STRAP: variants seen among roughly 807,000 people sequenced by gnomAD.
STRAP encodes the protein serine/threonine kinase receptor associated protein.
In STRAP, 16 loss-of-function variants were observed where a neutral mutation model predicts 47.0. The ratio of observed to expected loss-of-function variants is 0.34; its 90% CI spans 0.23 to 0.52. The LOEUF (loss-of-function observed/expected upper bound fraction) is 0.52. STRAP is among the 20% of genes least tolerant of loss of function. The pLI is 0.96. For missense variants in STRAP, 293 were observed against 420.0 expected (o/e 0.70, Z 2.64); for synonymous variants, 130 against 142.7 (o/e 0.91, Z 0.63).
chr12:15,889,687 CAAAG>C (rs1947999387), intron 2 of STRAP, among the ~76,000 whole-genome samples: 1 of 151,996 alleles, frequency 6.6e-6, no homozygotes, highest in African/African-American at 2.4e-5. Flanking sequence ...TTTCCACTGT[CAAAG>C]AAAATTAGAT....
chr12:15,895,399 A>G lies in STRAP; in HGVS notation c.541A>G (p.Asn181Asp), dbSNP rs1320966580. The change falls in exon 6 of 10, where the codon AAT becomes GAT. Residue 181 changes from asparagine to aspartate, a missense_variant. Around this residue, in one of 5 missense-constraint regions of STRAP, gnomAD observed 152 missense variants for 183.0 expected, o/e 0.83. Transcript: ENST00000419869. ...HATMTEVKSL[N>D]FNMSVSSMEY... Reference sequence around the variant, plus strand: ...TACTATGACAGAAGTGAAATCTCTAAATTTTAATATGTCTGTTAGTAGTAT... The same window carrying G: ...TACTATGACAGAAGTGAAATCTCTAGATTTTAATATGTCTGTTAGTAGTAT... 6.3e-7 allele frequency: 1 copy of G among 1,596,512 alleles called. No individual in the cohort carries two copies. Among genetic ancestry groups the G allele is most frequent in the African/African-American group, 1.4e-5 (1 of 73,800 alleles).
chr12:15,895,567 A>G, intron 6 of STRAP, 71 bp downstream of exon 6: 1 of 1,527,414 alleles, frequency 6.5e-7, no homozygotes, highest in Non-Finnish European at 8.8e-7. Context: ...AAAAATGGGA[A>G]GGTATTTACT....
At chr12:15,899,534 A>C (rs1948086326) in intron 7 of STRAP, among the ~76,000 whole-genome samples, 1 of 152,218 alleles carries the variant, frequency 6.6e-6, no homozygotes, top group Admixed American at 6.5e-5. Flanking sequence ...CCTGAGAAAT[A>C]GGCAGTGAGT....
intron 2 of STRAP, among the ~76,000 whole-genome samples, chr12:15,886,251 G>A (rs1379581896): frequency 2.0e-5 from 3 of 151,118 alleles, no homozygotes; most frequent in East Asian, 2.0e-4. Context: ...GTGCAGTGGC[G>A]TGATCATAGC....
chr12:15,892,553 G>A (rs1948025399), intron 4 of STRAP, among the ~76,000 whole-genome samples: 1 of 152,128 alleles, frequency 6.6e-6, no homozygotes, highest in African/African-American at 2.4e-5. Flanking sequence ...AGTAATAAGA[G>A]AGTCAGAACC....
intron 8 of STRAP, 118 bp from the exon 9 acceptor site, chr12:15,900,829 A>T: frequency 1.7e-5 from 11 of 666,486 alleles, no homozygotes; most frequent in East Asian, 3.5e-5. Context: ...AGTTGTTTTT[A>T]TTATATTTTG....
At chr12:15,899,833 ATT>A (rs3830193) in intron 7 of STRAP, 69 bp from the exon 8 acceptor site, 1,468 of 1,161,096 alleles carry the variant, frequency 1.3e-3, no homozygotes, top group African/African-American at 5.6e-3. Context: ...CACAGACAGT[ATT>A]TTTTTTTTTT....
chr12:15,893,582 G>A (rs1458952718), intron 4 of STRAP, among the ~76,000 whole-genome samples: 3 of 143,730 alleles, frequency 2.1e-5, no homozygotes, highest in Non-Finnish European at 4.5e-5. Context: ...ATACAATAAT[G>A]CTTTTATATT....
chr12:15,899,970 C>T lies in STRAP; in HGVS notation c.842C>T (p.Ala281Val). Reference sequence around the variant, plus strand: ...TTTAGTCCTGATGGAGAACTCTATGCCAGTGGTTCAGAAGATGGAACATTG... The same window carrying T: ...TTTAGTCCTGATGGAGAACTCTATGTCAGTGGTTCAGAAGATGGAACATTG... ...VRFSPDGELYASGSEDGTLRL... is the reference protein window; with the variant it reads ...VRFSPDGELYVSGSEDGTLRL... The change falls in exon 8 of 10, where the codon GCC becomes GTC. Residue 281 changes from alanine to valine, a missense_variant. Physicochemically the swap from Ala to Val is moderately conservative, Grantham distance 64. This residue lies in a region of STRAP where 26 missense variants were observed against 76.7 expected (regional missense o/e 0.34). Transcript: ENST00000419869. 6.2e-7 allele frequency: 1 copy of T among 1,613,552 alleles called. No individual in the cohort carries two copies. Among genetic ancestry groups the T allele is most frequent in the Non-Finnish European group, 8.5e-7 (1 of 1,179,754 alleles).
At position 15,890,447 on chromosome 12, in the gene STRAP, C is replaced by T; in HGVS notation, c.331-150C>T. 1.4e-6 allele frequency: 1 copy of T among 689,890 alleles called. No individual in the cohort carries two copies. The allele number at this position is 689,890 out of a possible 1,614,324, so 42.7% of individuals were successfully genotyped here. A position where few individuals can be genotyped will look rare whatever the true frequency, so the allele number is the denominator to read the frequency against. ...GGCAGTTATGAGAGGTCAGCTGTTC[C>T]ACAGTATCTTCTCAGAAGTAATTGG... On this transcript the variant is annotated intron_variant, in intron 3 of 9. Coordinates refer to ENST00000419869, the MANE Select transcript of STRAP (RefSeq NM_007178.4). The surrounding 1 kb of genome is among the most constrained non-coding windows in gnomAD (Gnocchi z 4.5).
At chr12:15,898,296 AG>A in intron 7 of STRAP, 1 of 185,516 alleles carries the variant, frequency 5.4e-6, no homozygotes, top group Non-Finnish European at 1.1e-5. Context: ...AGTGAGTTTT[AG>A]GCTTTATTGG....
intron 4 of STRAP, among the ~76,000 whole-genome samples, chr12:15,892,788 C>T (rs1276042444): frequency 6.6e-6 from 1 of 152,110 alleles, no homozygotes; most frequent in African/African-American, 2.4e-5. Flanking sequence ...ACTCTGACCT[C>T]ACTTCTTCTA....
intron 4 of STRAP, among the ~76,000 whole-genome samples, chr12:15,893,515 A>T (rs1244241091): frequency 2.0e-5 from 3 of 147,000 alleles, no homozygotes; most frequent in African/African-American, 7.4e-5. Flanking sequence ...TATAATAAAT[A>T]TATACTTTTT....
At chr12:15,891,870 C>G (rs1192940704) in intron 4 of STRAP, among the ~76,000 whole-genome samples, 2 of 151,690 alleles carry the variant, frequency 1.3e-5, no homozygotes, top group East Asian at 1.9e-4. Context: ...CGCTTGAACC[C>G]GGGAGGTAGA....
At chr12:15,885,193 T>TG (rs1476266314) in intron 2 of STRAP, among the ~76,000 whole-genome samples, 2 of 148,870 alleles carry the variant, frequency 1.3e-5, no homozygotes, top group Non-Finnish European at 3.0e-5. Flanking sequence ...TTTTTTTTTT[T>TG]TTTTTTTTTT....
intron 7 of STRAP, 31 bp downstream of exon 7, chr12:15,898,049 C>A (rs1948074340): frequency 6.3e-7 from 1 of 1,576,534 alleles, no homozygotes; most frequent in Non-Finnish European, 8.6e-7. Context: ...GATGTGGTTA[C>A]CTTTATCATA....
intron 7 of STRAP, 143 bp downstream of exon 7, chr12:15,898,161 G>A: frequency 1.5e-6 from 1 of 677,878 alleles, no homozygotes; most frequent in South Asian, 2.9e-5. Flanking sequence ...GTGCTTACAA[G>A]TGAAAAAGTA....
rs56996389 is a variant in STRAP, at chr12:15,887,511, C to A, written c.249-2417C>A. On this transcript the variant is annotated intron_variant, in intron 2 of 9. Coordinates refer to ENST00000419869, the MANE Select transcript of STRAP (RefSeq NM_007178.4). This position sits in a 1 kb window ranked among gnomAD's most constrained non-coding sequence, Gnocchi z 5.5. ...ACATTAGGAAACATTTAGATTAGATCCATTTTAGGGCTCTTACTGTGAATA... is the reference window on the plus strand; with the variant it reads ...ACATTAGGAAACATTTAGATTAGATACATTTTAGGGCTCTTACTGTGAATA... Among the ~76,000 whole-genome samples the A allele has an allele frequency of 0.022, 3,325 of 152,248 alleles. 119 individuals are homozygous for A. Among genetic ancestry groups the A allele is most frequent in the African/African-American group, 0.076 (3,163 of 41,536 alleles).
rs1348224840 is a variant in STRAP at position 15,899,992 on chromosome 12, A to G, written c.864A>G (p.Thr288=). 11 of 1,613,936 alleles carry G rather than the reference A, an allele frequency of 6.8e-6. No homozygotes were observed. Among genetic ancestry groups the G allele is most frequent in the Non-Finnish European group, 8.5e-7 (1 of 1,179,866 alleles). The part of the protein sequence containing the change: ...ELYASGSEDG[T]LRLWQTVVGK... ...ATGCCAGTGGTTCAGAAGATGGAAC[A>G]TTGAGACTATGGCAAACTGTGGTAG... Residue 288 remains threonine (T), a synonymous_variant, in exon 8 of 10, where the codon ACA becomes ACG. Coordinates refer to ENST00000419869, the MANE Select transcript of STRAP (RefSeq NM_007178.4).
Sources: allele counts gnomAD v4.1 joint callset (sites outside exome capture counted in the v4.1 genomes callset), GRCh38; gene constraint gnomAD v4.1.1; regional missense constraint gnomAD v4.1.1; non-coding constraint Gnocchi (gnomAD v3.1); transcripts MANE v1.5; gene names NCBI Gene and HGNC (gene_info 2026-07-23, HGNC 2026-07-21).